MTFR1: variants seen among roughly 807,000 people sequenced by gnomAD.
MTFR1 encodes mitochondrial fission regulator 1.
A neutral mutation model predicts 38.8 loss-of-function variants in MTFR1; 28 were observed. The observed-to-expected ratio is 0.72, with a 90% confidence interval of 0.53 to 0.99. The LOEUF (loss-of-function observed/expected upper bound fraction) is 0.99. Among genes scored for constraint, MTFR1 ranks in the 50% least tolerant of loss-of-function variants. The pLI is 0.00. For synonymous variants in MTFR1, 145 were observed against 137.0 expected, an observed-to-expected ratio of 1.06 and a Z score of -0.41; for missense variants, 358 against 395.5, an observed-to-expected ratio of 0.91 and a Z score of 0.81.
intron 3 of MTFR1, among the ~76,000 whole-genome samples, chr8:65,686,186 G>A (rs1805065628): frequency 2.0e-5 from 3 of 152,074 alleles, no homozygotes; most frequent in South Asian, 4.2e-4. Flanking sequence ...TACTGTATAT[G>A]ATGTTCATTT....
intron 3 of MTFR1, among the ~76,000 whole-genome samples, chr8:65,691,500 A>G (rs1805276226): frequency 6.6e-6 from 1 of 152,128 alleles, no homozygotes; most frequent in South Asian, 2.1e-4. Context: ...CATGTTGCCC[A>G]GGCTCGTCTC....
intron 1 of MTFR1, among the ~76,000 whole-genome samples, chr8:65,645,830 T>C (rs1212222023): frequency 4.6e-5 from 7 of 152,136 alleles, no homozygotes; most frequent in East Asian, 1.9e-4. Flanking sequence ...CACCCGGCTA[T>C]CCTGGGTTAT....
At chr8:65,680,994 G>A (rs1804867574) in intron 2 of MTFR1, among the ~76,000 whole-genome samples, 1 of 145,706 alleles carries the variant, frequency 6.9e-6, no homozygotes, top group Non-Finnish European at 1.5e-5. Flanking sequence ...CTCACTGCAA[G>A]CTCCGCCTCC....
At chr8:65,670,339 G>A (rs552389671) in intron 2 of MTFR1, among the ~76,000 whole-genome samples, 58 of 152,192 alleles carry the variant, frequency 3.8e-4, no homozygotes, top group Admixed American at 5.9e-4. Flanking sequence ...ACTTGACAGC[G>A]CTCTTAATGT....
intron 3 of MTFR1, among the ~76,000 whole-genome samples, chr8:65,740,776 TCCCCA>T (rs1268797857): frequency 6.6e-6 from 1 of 152,086 alleles, no homozygotes; most frequent in African/African-American, 2.4e-5. Flanking sequence ...GGTACAACTA[TCCCCA>T]CCCCACCCCA....
chr8:65,717,171 G>A (rs1351256641), intron 2 of MTFR1, among the ~76,000 whole-genome samples: 1 of 152,148 alleles, frequency 6.6e-6, no homozygotes, highest in Non-Finnish European at 1.5e-5. Context: ...TATGTGGCTT[G>A]GATTCTGTTT....
At chr8:65,722,323 T>G (rs1031568268) in intron 3 of MTFR1, 11 of 152,286 alleles carry the variant, frequency 7.2e-5, no homozygotes, top group African/African-American at 2.7e-4. Context: ...CACTCTGAAG[T>G]CAAATCGGCC....
At chr8:65,673,481 G>A (rs1323540065) in intron 2 of MTFR1, among the ~76,000 whole-genome samples, 1 of 151,804 alleles carries the variant, frequency 6.6e-6, no homozygotes, top group African/African-American at 2.4e-5. Flanking sequence ...GCGTTGTCCT[G>A]ATGCATGTGG....
At chr8:65,662,035 C>T (rs893761231) in intron 1 of MTFR1, among the ~76,000 whole-genome samples, 7 of 92,004 alleles carry the variant, frequency 7.6e-5, no homozygotes, top group Non-Finnish European at 1.5e-4. Context: ...CTCTCTCCCT[C>T]TCTCTCCCTC....
At chr8:65,727,525 G>T in intron 3 of MTFR1, 1 of 449,332 alleles carries the variant, frequency 2.2e-6, no homozygotes, top group Non-Finnish European at 3.9e-6. Context: ...CTGCCCATGT[G>T]GAGTTTACAG....
intron 3 of MTFR1, among the ~76,000 whole-genome samples, chr8:65,684,990 G>A (rs952810048): frequency 3.9e-5 from 6 of 152,128 alleles, no homozygotes; most frequent in African/African-American, 1.4e-4. Flanking sequence ...GGCAATAAGA[G>A]TGAAACTCTG....
intron 3 of MTFR1, among the ~76,000 whole-genome samples, chr8:65,746,387 T>C (rs892871052): frequency 2.0e-5 from 3 of 152,200 alleles, no homozygotes; most frequent in African/African-American, 7.2e-5. Flanking sequence ...CATGCTTAAA[T>C]TATTTGTTAT....
At chr8:65,676,555 G>C (rs1804712708) in intron 2 of MTFR1, among the ~76,000 whole-genome samples, 2 of 151,982 alleles carry the variant, frequency 1.3e-5, no homozygotes, top group Admixed American at 6.6e-5. Flanking sequence ...GTAAAGACAG[G>C]GTTTCACCAT....
At chr8:65,719,435 C>T in exon 3 of MTFR1, 1 of 1,614,098 alleles carries the variant, frequency 6.2e-7, no homozygotes, top group East Asian at 2.2e-5. Context: ...CTGGGATAGC[C>T]TTGTATTGGA....
In MTFR1 at chr8:65,710,501, C is replaced by T. The variant is rs1805913085; in HGVS notation, c.*1457C>T. ...TATCAGTATTGAATTTTGGACAGTG[C>T]CCCCATATAAGGAAGTTACTGTTTT... is the stretch of plus-strand genomic sequence containing the variant. On this transcript the variant is annotated 3_prime_UTR_variant, in exon 8 of 8. Coordinates refer to ENST00000262146, the MANE Select transcript of MTFR1 (RefSeq NM_014637.4). The T allele has an allele frequency of 1.3e-5, 2 of 152,484 alleles. No homozygotes were observed. The highest frequency in any genetic ancestry group is 2.9e-5 in the Non-Finnish European group (2 of 67,998). The allele number at this position is 152,484 out of a possible 1,614,324, so 9.4% of individuals were successfully genotyped here.
chr8:65,660,269 C>A (rs898547303), intron 1 of MTFR1, among the ~76,000 whole-genome samples: 13 of 117,838 alleles, frequency 1.1e-4, no homozygotes, highest in Non-Finnish European at 1.8e-4. Flanking sequence ...CCAGCCTGGG[C>A]AACAGGAGTG....
intron 4 of MTFR1, among the ~76,000 whole-genome samples, chr8:65,698,872 G>T (rs745682109): frequency 1.6e-4 from 25 of 152,110 alleles, no homozygotes; most frequent in Non-Finnish European, 3.1e-4. Flanking sequence ...GGGATTACAG[G>T]CGTGCACGAC....
chr8:65,741,574 GA>G, intron 3 of MTFR1, among the ~76,000 whole-genome samples: 1 of 152,232 alleles, frequency 6.6e-6, no homozygotes, highest in African/African-American at 2.4e-5. Context: ...CATGTGGAAA[GA>G]AAAAAGCATT....
chr8:65,698,015 A>C (rs1805494019), intron 4 of MTFR1, among the ~76,000 whole-genome samples: 1 of 151,916 alleles, frequency 6.6e-6, no homozygotes, highest in Non-Finnish European at 1.5e-5. Flanking sequence ...ATGAAGTCTA[A>C]TTTATGTATT....
Sources: gnomAD v4.1 joint callset for allele counts (sites outside exome capture counted in the v4.1 genomes callset) on GRCh38, gnomAD v4.1.1 for gene constraint, MANE v1.5 for transcripts, NCBI Gene and HGNC (gene_info 2026-07-23, HGNC 2026-07-21) for gene names.